The following ANO3 variants were observed in gnomAD, a reference collection of about 807,000 sequenced individuals.
ANO3 encodes the protein anoctamin-3.
In ANO3, 99 loss-of-function variants were observed where a neutral mutation model predicts 144.8. The observed-to-expected ratio is 0.68, with a 90% CI of 0.58 to 0.81. The LOEUF is 0.81. ANO3 is among the 30% of genes least tolerant of loss of function. The pLI is 0.00. For synonymous variants in ANO3, 414 were observed against 392.6 expected (o/e 1.05, Z -0.64); for missense variants, 905 against 1,202.2 (o/e 0.75, Z 3.66).
At chr11:26,189,361 G>A in intron 1 of ANO3, 4 of 975,978 alleles carry the variant, frequency 4.1e-6, no homozygotes, top group Non-Finnish European at 4.9e-6. Flanking sequence ...ATATGTATGA[G>A]TATCTTAACT....
intron 17 of ANO3, among the ~76,000 whole-genome samples, chr11:26,619,319 A>G (rs1424626080): frequency 6.6e-6 from 1 of 152,192 alleles, no homozygotes; most frequent in Non-Finnish European, 1.5e-5. Flanking sequence ...TAAATATTTA[A>G]CTGGGGAGAA....
intron 4 of ANO3, among the ~76,000 whole-genome samples, chr11:26,467,643 G>A (rs1390982769): frequency 6.7e-6 from 1 of 149,314 alleles, no homozygotes; most frequent in Non-Finnish European, 1.5e-5. Context: ...GTACTCCATT[G>A]TGTATATGTT....
At chr11:26,523,548 C>A (rs1297235034) in intron 6 of ANO3, among the ~76,000 whole-genome samples, 2 of 152,130 alleles carry the variant, frequency 1.3e-5, no homozygotes, top group Non-Finnish European at 2.9e-5. Flanking sequence ...AATTCATATA[C>A]ATTTCAAAGA....
chr11:26,557,188 G>A (rs293967), intron 13 of ANO3, among the ~76,000 whole-genome samples: 20,596 of 151,986 alleles, frequency 0.14, 1,458 homozygotes, highest in Middle Eastern at 0.16. Flanking sequence ...CAAGCCAGGC[G>A]CGGTGGCTCA....
In ANO3 at chr11:26,462,710, CATG is replaced by C. The variant is rs72198963; in HGVS notation, c.314-314_314-312del. On this transcript the variant is annotated intron_variant, in intron 3 of 26. Transcript: ENST00000256737. ...AATGTCACTATCTTCAAGTTCAAAA[CATG>C]ATGATTTTTTTCATGGTTCCAATTT... Among the ~76,000 whole-genome samples, 2,245 of 151,936 alleles carry C rather than the reference CATG, an allele frequency of 0.015. 53 individuals are homozygous for C. The highest frequency in any genetic ancestry group is 0.051 in the African/African-American group (2,132 of 41,518).
chr11:26,219,848 T>A (rs1295982930), intron 1 of ANO3, among the ~76,000 whole-genome samples: 1 of 152,166 alleles, frequency 6.6e-6, no homozygotes, highest in Non-Finnish European at 1.5e-5. Context: ...GGATGGAATC[T>A]TAAATGCATG....
intron 1 of ANO3, among the ~76,000 whole-genome samples, chr11:26,241,125 G>A (rs1182102254): frequency 3.2e-4 from 49 of 151,620 alleles, no homozygotes; most frequent in Admixed American, 3.2e-3. Context: ...CCCTGCACAA[G>A]CTCTCTCTCT....
intron 1 of ANO3, among the ~76,000 whole-genome samples, chr11:26,414,066 C>T (rs183609506): frequency 1.0e-3 from 152 of 151,994 alleles, no homozygotes; most frequent in African/African-American, 2.9e-3. Context: ...GTCAGAATTG[C>T]GATTATTAAA....
intron 1 of ANO3, among the ~76,000 whole-genome samples, chr11:26,280,498 C>T (rs530760746): frequency 6.6e-6 from 1 of 152,136 alleles, no homozygotes; most frequent in Non-Finnish European, 1.5e-5. Flanking sequence ...GCATCTAGCA[C>T]AGGGGAAACA....
chr11:26,214,322 G>A (rs1013165103), intron 1 of ANO3, among the ~76,000 whole-genome samples: 4 of 151,798 alleles, frequency 2.6e-5, no homozygotes, highest in Admixed American at 6.6e-5. Context: ...GGGTAGGATG[G>A]AACCTTCCAG....
chr11:26,659,715 TA>T (rs1322326537), intron 26 of ANO3, among the ~76,000 whole-genome samples: 1 of 152,044 alleles, frequency 6.6e-6, no homozygotes, highest in East Asian at 1.9e-4. Context: ...AATAATAAAA[TA>T]AAAGTAATAT....
intron 17 of ANO3, among the ~76,000 whole-genome samples, chr11:26,609,265 A>G (rs1852022771): frequency 6.6e-6 from 1 of 152,094 alleles, no homozygotes; most frequent in Non-Finnish European, 1.5e-5. Flanking sequence ...CCAGCCGCCT[A>G]GTCAAGTCTG....
chr11:26,232,215 G>T (rs545901675), intron 1 of ANO3, among the ~76,000 whole-genome samples: 1 of 152,260 alleles, frequency 6.6e-6, no homozygotes, highest in East Asian at 1.9e-4. Context: ...GTTACAATAT[G>T]AACCCATGAG....
chr11:26,568,277 C>T (rs182086097), intron 14 of ANO3, among the ~76,000 whole-genome samples: 83 of 152,092 alleles, frequency 5.5e-4, no homozygotes, highest in Admixed American at 2.3e-3. Context: ...TCCCACTTTA[C>T]AGATGATTAA....
intron 1 of ANO3, among the ~76,000 whole-genome samples, chr11:26,270,774 A>ATAT (rs1853421584): frequency 6.6e-6 from 1 of 152,198 alleles, no homozygotes. Flanking sequence ...CTACACTACA[A>ATAT]TCTGCTGAAT....
intron 5 of ANO3, among the ~76,000 whole-genome samples, chr11:26,513,336 G>A (rs1197476083): frequency 6.6e-6 from 1 of 152,170 alleles, no homozygotes; most frequent in Non-Finnish European, 1.5e-5. Flanking sequence ...CTGAGGACAA[G>A]AGTGTGAGCA....
intron 1 of ANO3, among the ~76,000 whole-genome samples, chr11:26,417,508 G>A (rs866894907): frequency 6.6e-6 from 1 of 152,044 alleles, no homozygotes; most frequent in Non-Finnish European, 1.5e-5. Flanking sequence ...GAACAAACAG[G>A]ATAAAGGGAA....
chr11:26,525,805 A>G, intron 7 of ANO3, 126 bp downstream of exon 7: 1 of 663,598 alleles, frequency 1.5e-6, no homozygotes, highest in Non-Finnish European at 2.5e-6. Flanking sequence ...TTTGTCGAAG[A>G]TATTTCCAAA....
chr11:26,415,976 T>C (rs950359551), intron 1 of ANO3, among the ~76,000 whole-genome samples: 2 of 152,160 alleles, frequency 1.3e-5, no homozygotes, highest in Non-Finnish European at 2.9e-5. Context: ...CGATTATTCT[T>C]AAATTTCTTA....
Sources: allele counts gnomAD v4.1 joint callset (sites outside exome capture counted in the v4.1 genomes callset), GRCh38; gene constraint gnomAD v4.1.1; transcripts MANE v1.5; gene names NCBI Gene and HGNC (gene_info 2026-07-23, HGNC 2026-07-21).